The following EBF3 variants were observed in gnomAD, a reference collection of about 807,000 sequenced individuals.
The protein encoded by EBF3 is transcription factor COE3.
EBF3 carries 18 observed loss-of-function variants against 77.1 expected under a neutral mutation model. The ratio of observed to expected loss-of-function variants is 0.23; its 90% CI spans 0.16 to 0.35. The LOEUF (loss-of-function observed/expected upper bound fraction) is 0.35, where lower values mean the gene tolerates loss of function less well. Among genes scored for constraint, EBF3 ranks in the 10% least tolerant of loss-of-function variants. The pLI is 1.00. For synonymous variants in EBF3, 350 were observed against 343.5 expected, an observed-to-expected ratio of 1.02 and a Z score of -0.21; for missense variants, 558 against 860.0, an observed-to-expected ratio of 0.65 and a Z score of 4.39.
rs914389431 is a variant in EBF3, at chr10:129,841,591, G to A, written c.1372+525C>T. On this transcript the variant is annotated intron_variant, in intron 13 of 16. Transcript: ENST00000440978. This position sits in a 1 kb window ranked among gnomAD's most constrained non-coding sequence, Gnocchi z 4.6. ...TGTTTTCTAAGATCACTGCCTGCGC[G>A]CTTTTCAATGAAGAAAACTAAAATG... Among the ~76,000 whole-genome samples the A allele has an allele frequency of 5.9e-5, 9 of 152,158 alleles. No individual in the cohort carries two copies. In the South Asian group the frequency reaches 6.2e-4, roughly 10 times the overall value.
Position 129,842,432 on chromosome 10 carries a change from G to A in EBF3, c.1195-139C>T, listed in dbSNP as rs1850139733. ...AAATCTATTTCTTAATGGGCAAAGA[G>A]CTTCCCCTAGAAAATCATTTACTGA... On this transcript the variant is annotated intron_variant, in intron 12 of 16. Coordinates refer to ENST00000440978, the MANE Select transcript of EBF3 (RefSeq NM_001375380.1). The surrounding 1 kb of genome is among the most constrained non-coding windows in gnomAD (Gnocchi z 4.4). 1.0e-6 allele frequency: 1 copy of A among 998,824 alleles called. No homozygotes were observed. Among genetic ancestry groups the A allele is most frequent in the East Asian group, 2.9e-5 (1 of 34,838 alleles). The allele number at this position is 998,824 out of a possible 1,614,324, so 61.9% of individuals were successfully genotyped here.
intron 6 of EBF3, among the ~76,000 whole-genome samples, chr10:129,908,840 G>A (rs1855323317): frequency 6.6e-6 from 1 of 152,158 alleles, no homozygotes; most frequent in South Asian, 2.1e-4. Context: ...TTTAGGATGC[G>A]AGTGATCCAG....
intron 6 of EBF3, among the ~76,000 whole-genome samples, chr10:129,928,724 T>C (rs1021323353): frequency 6.6e-6 from 1 of 152,214 alleles, no homozygotes; most frequent in African/African-American, 2.4e-5. Flanking sequence ...CATCTTCGCT[T>C]ACTCCACTAG....
At chr10:129,960,329 C>T (rs1490883848) in intron 4 of EBF3, among the ~76,000 whole-genome samples, 3 of 152,148 alleles carry the variant, frequency 2.0e-5, no homozygotes, top group African/African-American at 7.2e-5. Context: ...GGTGAAAGCC[C>T]GGGGCTGCCC....
In EBF3 at chr10:129,870,621, G is replaced by A. The variant is rs1218526913; in HGVS notation, c.782-2709C>T. The stretch of plus-strand genomic sequence containing the variant: ...CTCTCAGCTACTTGGGAGAAGAGGC[G>A]CTCACAAGGAACACCCTCTGCCCAT... On this transcript the variant is annotated intron_variant, in intron 8 of 16. Transcript: ENST00000440978. This position sits in a 1 kb window ranked among gnomAD's most constrained non-coding sequence, Gnocchi z 4.4. Among the ~76,000 whole-genome samples, 1 of 152,100 alleles carries A rather than the reference G, an allele frequency of 6.6e-6. No homozygotes were observed. Among genetic ancestry groups the A allele is most frequent in the Non-Finnish European group, 1.5e-5 (1 of 68,022 alleles).
intron 10 of EBF3, among the ~76,000 whole-genome samples, chr10:129,862,412 G>A (rs1248780261): frequency 6.6e-6 from 1 of 152,162 alleles, no homozygotes; most frequent in East Asian, 1.9e-4. Context: ...TTTAGTAACT[G>A]GGTTCAGTCT....
intron 6 of EBF3, among the ~76,000 whole-genome samples, chr10:129,887,292 A>C (rs1853676751): frequency 6.6e-6 from 1 of 152,224 alleles, no homozygotes; most frequent in Non-Finnish European, 1.5e-5. Context: ...AAGAGTATTC[A>C]GGACTATTTG....
At position 129,836,212 on chromosome 10, in the gene EBF3, G is replaced by T. The variant is rs750528428; in HGVS notation, c.*1731C>A. ...AAGCCTGTGATAAAATAGCACAAAGGTTCTTTAAAGAAGTTCACTTTTAAG... is the reference window on the plus strand; with the variant it reads ...AAGCCTGTGATAAAATAGCACAAAGTTTCTTTAAAGAAGTTCACTTTTAAG... On this transcript the variant is annotated 3_prime_UTR_variant, in exon 17 of 17. Coordinates refer to ENST00000440978, the MANE Select transcript of EBF3 (RefSeq NM_001375380.1). The T allele has an allele frequency of 2.6e-5, 4 of 152,536 alleles. No homozygotes were observed. Among genetic ancestry groups the T allele is most frequent in the Admixed American group, 6.5e-5 (1 of 15,282 alleles). The allele number at this position is 152,536 out of a possible 1,614,324, so 9.4% of individuals were successfully genotyped here.
At chr10:129,927,749 T>C (rs1174504798) in intron 6 of EBF3, among the ~76,000 whole-genome samples, 2 of 152,176 alleles carry the variant, frequency 1.3e-5, no homozygotes, top group Non-Finnish European at 2.9e-5. Flanking sequence ...TTGGGTCCCT[T>C]ATCCACTGGG....
At chr10:129,849,309 C>T (rs182079795) in intron 10 of EBF3, among the ~76,000 whole-genome samples, 1 of 152,348 alleles carries the variant, frequency 6.6e-6, no homozygotes, top group Non-Finnish European at 1.5e-5. Context: ...TATTGGAGTA[C>T]ATTACTTCTT....
At position 129,896,861 on chromosome 10, in the gene EBF3, T is replaced by C. The variant is rs112361367; in HGVS notation, c.555-19012A>G. ...CTTGGCAGGGGAGTCGACCATTAAA[T>C]ACTGAGCAGAGGCTCAAACCGAGAG... On this transcript the variant is annotated intron_variant, in intron 6 of 16. Transcript: ENST00000440978. 9.8e-5 allele frequency among the ~76,000 whole-genome samples: 15 copies of C among 152,300 alleles called. 2 individuals are homozygous for C. Among genetic ancestry groups the C allele is most frequent in the African/African-American group, 3.6e-4 (15 of 41,584 alleles).
Position 129,848,510 on chromosome 10 carries a change from G to C in EBF3, c.1040-30C>G. ...AACAGGACACAGAAATGTAGATCAG[G>C]TTAATTACTTTTATGTCATCCATTA... On this transcript the variant is annotated intron_variant, in intron 10 of 16. Transcript: ENST00000440978. The surrounding 1 kb of genome is among the most constrained non-coding windows in gnomAD (Gnocchi z 4.4). The C allele has an allele frequency of 1.2e-6, 2 of 1,608,086 alleles. No individual in the cohort carries two copies. The highest frequency in any genetic ancestry group is 2.2e-5 in the South Asian group (2 of 90,960).
intron 6 of EBF3, among the ~76,000 whole-genome samples, chr10:129,888,275 A>G (rs1480371880): frequency 5.3e-5 from 8 of 152,200 alleles, no homozygotes; most frequent in Non-Finnish European, 2.9e-5. Flanking sequence ...GAAGGGCCCG[A>G]GGCGGTGGCT....
intron 6 of EBF3, among the ~76,000 whole-genome samples, chr10:129,932,127 C>G (rs1857065582): frequency 6.6e-6 from 1 of 152,254 alleles, no homozygotes; most frequent in Non-Finnish European, 1.5e-5. Context: ...CAGGCAGTTA[C>G]ACACACGGCC....
At chr10:129,962,515 G>C (rs1859605166) in intron 3 of EBF3, among the ~76,000 whole-genome samples, 1 of 151,644 alleles carries the variant, frequency 6.6e-6, no homozygotes, top group African/African-American at 2.4e-5. Flanking sequence ...CCATGTGGTC[G>C]TTTATTTTTA....
chr10:129,882,119 G>T (rs1853252908), intron 6 of EBF3, among the ~76,000 whole-genome samples: 1 of 152,246 alleles, frequency 6.6e-6, no homozygotes, highest in African/African-American at 2.4e-5. Flanking sequence ...ATTTCTGTGT[G>T]TTTAAGCTAT....
Position 129,839,078 on chromosome 10 carries a change from G to A in EBF3, c.1872+5C>T, listed in dbSNP as rs534226216. On this transcript the variant is annotated splice_donor_5th_base_variant and intron_variant, in intron 16 of 16. Transcript: ENST00000440978. ...GTGAAGACAATGATTTCAAATCACT[G>A]ATACCTTTCCAGTTCCTTTTTTGAG... The A allele has an allele frequency of 4.6e-6, 6 of 1,304,494 alleles. No homozygotes were observed. Among genetic ancestry groups the A allele is most frequent in the South Asian group, 3.7e-5 (3 of 81,034 alleles). 80.8% of individuals were successfully genotyped at this position (1,304,494 alleles called of 1,614,324 possible).
chr10:129,891,498 T>G (rs146707823), intron 6 of EBF3, among the ~76,000 whole-genome samples: 1 of 152,346 alleles, frequency 6.6e-6, no homozygotes, highest in African/African-American at 2.4e-5. Flanking sequence ...CAAAAGACAT[T>G]TTTTATTCTT....
At chr10:129,936,526 C>T (rs1437259921) in intron 6 of EBF3, among the ~76,000 whole-genome samples, 1 of 151,974 alleles carries the variant, frequency 6.6e-6, no homozygotes, top group Non-Finnish European at 1.5e-5. Flanking sequence ...GGACCCTCAG[C>T]TGTGTGGGGA....
Sources: gnomAD v4.1 joint callset for allele counts (sites outside exome capture counted in the v4.1 genomes callset) on GRCh38, gnomAD v4.1.1 for gene constraint, Gnocchi (gnomAD v3.1) non-coding constraint, MANE v1.5 for transcripts, NCBI Gene and HGNC (gene_info 2026-07-23, HGNC 2026-07-21) for gene names.